The following TASP1 variants were observed in gnomAD, a reference collection of about 807,000 sequenced individuals.
The protein encoded by TASP1 is taspase 1, also known as threonine aspartase 1.
Under a neutral mutation model 56.6 loss-of-function variants are expected in TASP1, and 16 were observed. The observed-to-expected ratio is 0.28, with a 90% CI of 0.19 to 0.43. TASP1 has a LOEUF of 0.43. Among genes scored for constraint, TASP1 ranks in the 20% least tolerant of loss-of-function variants. The probability of loss-of-function intolerance (pLI) is 1.00; values close to 1 mark genes in which losing one functional copy is unlikely to be tolerated. For missense variants in TASP1, 393 were observed against 511.6 expected (o/e 0.77, Z 2.24); for synonymous variants, 179 against 184.2 (o/e 0.97, Z 0.23).
chr20:13,610,100 A>G (rs937454220), intron 4 of TASP1, among the ~76,000 whole-genome samples: 1 of 152,216 alleles, frequency 6.6e-6, no homozygotes, highest in African/African-American at 2.4e-5. Context: ...GTGGTCCACA[A>G]GGGGGAAAGG....
At chr20:13,471,055 C>T (rs989004379) in intron 11 of TASP1, among the ~76,000 whole-genome samples, 1 of 152,176 alleles carries the variant, frequency 6.6e-6, no homozygotes, top group Non-Finnish European at 1.5e-5. Context: ...GTCAGAATCT[C>T]TGCTCTCCTA....
At chr20:13,207,128 A>C in the TASP1 span, among the ~76,000 whole-genome samples, 3 of 152,192 alleles carry the variant, frequency 2.0e-5, no homozygotes, top group Admixed American at 2.0e-4. Context: ...ATCACTCTAT[A>C]ACTTAGTGGC....
At chr20:13,161,437 C>T in the TASP1 span, among the ~76,000 whole-genome samples, 11 of 152,130 alleles carry the variant, frequency 7.2e-5, no homozygotes, top group Admixed American at 6.5e-5. Flanking sequence ...TTACAGCCAA[C>T]AGTAGAAGAT....
At chr20:13,225,911 T>C in the TASP1 span, among the ~76,000 whole-genome samples, 5 of 152,262 alleles carry the variant, frequency 3.3e-5, no homozygotes, top group Admixed American at 2.0e-4. Flanking sequence ...ATAAAAGTCA[T>C]CTGGAAGACA....
chr20:13,532,395 A>G (rs896291641), intron 9 of TASP1, among the ~76,000 whole-genome samples: 2 of 152,194 alleles, frequency 1.3e-5, no homozygotes, highest in Admixed American at 1.3e-4. Context: ...GTCAAAAAGA[A>G]CTGTTCTTTA....
the TASP1 span, among the ~76,000 whole-genome samples, chr20:13,365,377 C>CA: frequency 1.3e-5 from 2 of 151,506 alleles, no homozygotes; most frequent in Admixed American, 6.6e-5. Flanking sequence ...CAATGAGCAC[C>CA]AAAAAAAGAT....
chr20:13,322,240 C>T, the TASP1 span, among the ~76,000 whole-genome samples: 1 of 152,154 alleles, frequency 6.6e-6, no homozygotes. Context: ...TGCTGTACTC[C>T]CAAGAGTGAG....
At chr20:13,302,354 A>C in the TASP1 span, among the ~76,000 whole-genome samples, 1 of 152,210 alleles carries the variant, frequency 6.6e-6, no homozygotes, top group East Asian at 1.9e-4. Context: ...AAACCTCTGG[A>C]AATTTGCTGA....
At chr20:13,468,948 T>G (rs888218807) in intron 11 of TASP1, among the ~76,000 whole-genome samples, 1 of 151,500 alleles carries the variant, frequency 6.6e-6, no homozygotes, top group South Asian at 2.1e-4. Flanking sequence ...CTTTTAAAAC[T>G]CAATAAAATA....
At chr20:13,265,551 T>G in the TASP1 span, among the ~76,000 whole-genome samples, 1 of 152,204 alleles carries the variant, frequency 6.6e-6, no homozygotes, top group Non-Finnish European at 1.5e-5. Context: ...GCTTCCTTGC[T>G]TCTTGTTGCA....
downstream of TASP1, among the ~76,000 whole-genome samples, chr20:13,385,246 G>A (rs949965947): frequency 6.6e-6 from 1 of 152,106 alleles, no homozygotes; most frequent in Non-Finnish European, 1.5e-5. Flanking sequence ...TCCAACTACC[G>A]TTAACACCAT....
intron 4 of TASP1, among the ~76,000 whole-genome samples, chr20:13,598,203 A>G (rs1367237651): frequency 6.6e-6 from 1 of 152,188 alleles, no homozygotes; most frequent in Non-Finnish European, 1.5e-5. Flanking sequence ...TATGGAACCA[A>G]AAAAAGAGCC....
chr20:13,502,401 G>C (rs1434721663), intron 10 of TASP1, among the ~76,000 whole-genome samples: 1 of 152,016 alleles, frequency 6.6e-6, no homozygotes, highest in Admixed American at 6.6e-5. Context: ...GCACTAGAGT[G>C]ACATGGCAAC....
the TASP1 span, among the ~76,000 whole-genome samples, chr20:13,365,019 C>T: frequency 6.6e-6 from 1 of 151,978 alleles, no homozygotes; most frequent in Non-Finnish European, 1.5e-5. Flanking sequence ...TCAGAACAAA[C>T]AGATCAATTT....
At chr20:13,321,443 G>T in the TASP1 span, among the ~76,000 whole-genome samples, 1 of 152,030 alleles carries the variant, frequency 6.6e-6, no homozygotes, top group Non-Finnish European at 1.5e-5. Context: ...GGGGATTGTC[G>T]CTTGGATCCA....
chr20:13,631,448 TTATTTCTCACAA>T (rs2049084625), intron 1 of TASP1, among the ~76,000 whole-genome samples: 2 of 152,210 alleles, frequency 1.3e-5, no homozygotes, highest in South Asian at 4.1e-4. Context: ...TTTCTTTTGG[TTATTTCTCACAA>T]TATTTCTCTG....
At chr20:13,628,076 T>C (rs2048960140) in intron 2 of TASP1, among the ~76,000 whole-genome samples, 1 of 152,256 alleles carries the variant, frequency 6.6e-6, no homozygotes, top group Non-Finnish European at 1.5e-5. Context: ...AGACCCCATT[T>C]GTTTGGAGTC....
At chr20:13,155,279 A>C in the TASP1 span, among the ~76,000 whole-genome samples, 1 of 152,168 alleles carries the variant, frequency 6.6e-6, no homozygotes, top group African/African-American at 2.4e-5. Flanking sequence ...CATATTCAAC[A>C]TACTACGCAT....
At chr20:13,192,896 G>T in the TASP1 span, among the ~76,000 whole-genome samples, 2 of 151,996 alleles carry the variant, frequency 1.3e-5, no homozygotes, top group African/African-American at 4.8e-5. Context: ...ACAATGTATT[G>T]GAGTGATTAT....
Sources: gnomAD v4.1 joint callset for allele counts (sites outside exome capture counted in the v4.1 genomes callset) on GRCh38, gnomAD v4.1.1 for gene constraint, MANE v1.5 for transcripts, NCBI Gene and HGNC (gene_info 2026-07-23, HGNC 2026-07-21) for gene names.